The following UBR3 variants were observed in gnomAD, a reference collection of about 807,000 sequenced individuals.
UBR3 encodes ubiquitin protein ligase E3 component n-recognin 3.
Under a neutral mutation model 243.2 loss-of-function variants are expected in UBR3, and 85 were observed. That is an observed-to-expected ratio of 0.35 (90% CI 0.29 to 0.42). The LOEUF (loss-of-function observed/expected upper bound fraction) is 0.42, where lower values mean the gene tolerates loss of function less well. UBR3 is among the 10% of genes least tolerant of loss of function. UBR3 has a pLI of 1.00. For missense variants in UBR3, 1,686 were observed against 2,300.8 expected (o/e 0.73, Z 5.47); for synonymous variants, 748 against 799.8 (o/e 0.94, Z 1.09).
intron 35 of UBR3, among the ~76,000 whole-genome samples, chr2:170,062,765 T>C (rs1416512465): frequency 1.3e-5 from 2 of 152,184 alleles, no homozygotes; most frequent in Non-Finnish European, 1.5e-5. Context: ...AGAAAGTATT[T>C]TTTGCCCATA....
chr2:169,992,862 G>A (rs2089330930), intron 25 of UBR3, among the ~76,000 whole-genome samples: 2 of 152,292 alleles, frequency 1.3e-5, no homozygotes, highest in South Asian at 4.1e-4. Flanking sequence ...CCAGGCTCAA[G>A]CAATTCTCAT....
chr2:170,028,557 A>G (rs1345840510), intron 30 of UBR3, among the ~76,000 whole-genome samples: 1 of 151,612 alleles, frequency 6.6e-6, no homozygotes, highest in Non-Finnish European at 1.5e-5. Context: ...TAATTTAATT[A>G]TTGTCATAAT....
At chr2:170,063,955 T>G (rs142299597) in intron 35 of UBR3, among the ~76,000 whole-genome samples, 23 of 152,346 alleles carry the variant, frequency 1.5e-4, no homozygotes, top group African/African-American at 5.5e-4. Context: ...GCTCAAGGCT[T>G]ATATTCCCAT....
intron 1 of UBR3, among the ~76,000 whole-genome samples, chr2:169,862,191 T>C (rs114733430): frequency 0.019 from 2,957 of 152,284 alleles, 108 homozygotes; most frequent in African/African-American, 0.065. Flanking sequence ...CGTAATTTAA[T>C]TTAAAATTTT....
intron 25 of UBR3, among the ~76,000 whole-genome samples, chr2:169,993,681 C>G (rs145805119): frequency 6.6e-6 from 1 of 152,152 alleles, no homozygotes; most frequent in Non-Finnish European, 1.5e-5. Flanking sequence ...TAAGTTTGAT[C>G]CCTTGGGTAA....
Position 169,878,550 on chromosome 2 carries a change from G to A in UBR3, c.1014G>A (p.Leu338=), listed in dbSNP as rs2083703899. The A allele has an allele frequency of 6.4e-7, 1 of 1,551,250 alleles. No homozygotes were observed. Among genetic ancestry groups the A allele is most frequent in the African/African-American group, 1.4e-5 (1 of 73,128 alleles). The change falls in exon 5 of 39, where the codon TTG becomes TTA. Residue 338 remains leucine, a synonymous_variant. Coordinates refer to ENST00000272793, the MANE Select transcript of UBR3 (RefSeq NM_172070.4). ...GTTTCATAGGCGCAACAGGAACTTTGGGACAAGTGGATTCTTCAGATGAGG... is the reference window on the plus strand; with the variant it reads ...GTTTCATAGGCGCAACAGGAACTTTAGGACAAGTGGATTCTTCAGATGAGG... ...VQGFIGATGT[L]GQVDSSDEDD... is the part of the protein sequence containing the mutation.
intron 5 of UBR3, among the ~76,000 whole-genome samples, chr2:169,890,538 G>GATATATATATATATATAT (rs1238478825): frequency 1.3e-5 from 1 of 77,572 alleles, no homozygotes. Flanking sequence ...GAGAGAGAGA[G>GATATATATATATATATAT]AGATATATAT....
chr2:169,974,243 G>T (rs1164325933), intron 24 of UBR3, among the ~76,000 whole-genome samples: 1 of 152,098 alleles, frequency 6.6e-6, no homozygotes, highest in Non-Finnish European at 1.5e-5. Flanking sequence ...AGAAGAATTG[G>T]TACTGGTTCT....
intron 27 of UBR3, among the ~76,000 whole-genome samples, chr2:170,003,557 C>T (rs1284332985): frequency 6.6e-6 from 1 of 152,168 alleles, no homozygotes; most frequent in Non-Finnish European, 1.5e-5. Flanking sequence ...ACAGTTCCTT[C>T]CCTCAATGAG....
At chr2:169,889,493 A>G (rs2084241750) in intron 5 of UBR3, among the ~76,000 whole-genome samples, 1 of 152,158 alleles carries the variant, frequency 6.6e-6, no homozygotes, top group African/African-American at 2.4e-5. Context: ...TAAATTTCTG[A>G]ACCCTCTGGG....
chr2:169,906,176 A>G lies in UBR3; in HGVS notation c.1779+12A>G, dbSNP rs2085001881. On this transcript the variant is annotated intron_variant, in intron 10 of 38. Transcript: ENST00000272793. The stretch of plus-strand genomic sequence containing the variant: ...ATTGTAAAGTTAGGGTATGTTGGAA[A>G]TATTTTTGTTAATTTCTGTGTTTAA... 3 of 1,526,910 alleles carry G rather than the reference A, an allele frequency of 2.0e-6. No homozygotes were observed. Among genetic ancestry groups the G allele is most frequent in the African/African-American group, 1.4e-5 (1 of 71,478 alleles). 94.6% of individuals were successfully genotyped at this position (1,526,910 alleles called of 1,614,324 possible). A position where few individuals can be genotyped will look rare whatever the true frequency, so the allele number is the denominator to read the frequency against.
chr2:169,986,516 A>G (rs2089010189), intron 24 of UBR3, 129 bp from the exon 25 acceptor site: 1 of 722,468 alleles, frequency 1.4e-6, no homozygotes, highest in Non-Finnish European at 2.1e-6. Flanking sequence ...TTTTTTCCAC[A>G]GTTTTATTAC....
At chr2:169,926,629 C>G (rs1317481221) in intron 14 of UBR3, 63 bp from the exon 15 acceptor site, 1 of 1,440,956 alleles carries the variant, frequency 6.9e-7, no homozygotes, top group Admixed American at 2.6e-5. Flanking sequence ...TATAGAAAAA[C>G]ATGATTAATA....
chr2:169,932,091 T>C (rs910692483), intron 18 of UBR3, among the ~76,000 whole-genome samples: 1 of 145,032 alleles, frequency 6.9e-6, no homozygotes, highest in Non-Finnish European at 1.5e-5. Context: ...TTTTTTTTTT[T>C]CTTGGAGACT....
chr2:170,044,236 T>C (rs918834050), intron 32 of UBR3, among the ~76,000 whole-genome samples: 3 of 152,234 alleles, frequency 2.0e-5, no homozygotes, highest in Non-Finnish European at 4.4e-5. Context: ...AGTTATTGTT[T>C]GTTATTAGAA....
chr2:169,893,111 A>G (rs1251660713), intron 6 of UBR3, among the ~76,000 whole-genome samples: 1 of 152,242 alleles, frequency 6.6e-6, no homozygotes, highest in Admixed American at 6.5e-5. Flanking sequence ...ACACAATATA[A>G]CACGTGCTTT....
rs1484113219 is a variant in UBR3 at position 169,833,715 on chromosome 2, A to C, written c.545+5663A>C. ...TCTCCATCCTACCCCTCAGTAAGAA[A>C]TTTCCTTTTCTTTTAAGGTTACTTA... On this transcript the variant is annotated intron_variant, in intron 1 of 38. Transcript: ENST00000272793. Among the ~76,000 whole-genome samples, 4 of 152,230 alleles carry C rather than the reference A, an allele frequency of 2.6e-5. No individual in the cohort carries two copies. In the East Asian group the frequency reaches 7.7e-4, roughly 29 times the overall value.
At chr2:169,880,979 A>G (rs1183917257) in intron 5 of UBR3, among the ~76,000 whole-genome samples, 2 of 152,062 alleles carry the variant, frequency 1.3e-5, no homozygotes, top group Non-Finnish European at 2.9e-5. Context: ...TTATGTAACC[A>G]TTTGTTCCTT....
intron 25 of UBR3, 149 bp from the exon 26 acceptor site, chr2:169,994,174 T>G (rs898168244): frequency 1.2e-6 from 1 of 859,400 alleles, no homozygotes; most frequent in African/African-American, 1.7e-5. Context: ...AGGAGAAAAC[T>G]AGAATACCAC....
Sources: gnomAD v4.1 joint callset for allele counts (sites outside exome capture counted in the v4.1 genomes callset) on GRCh38, gnomAD v4.1.1 for gene constraint, MANE v1.5 for transcripts, NCBI Gene and HGNC (gene_info 2026-07-23, HGNC 2026-07-21) for gene names.